Variants in GABRA1 observed in about 807,000 individuals in gnomAD.
The protein encoded by GABRA1 is gamma-aminobutyric acid type A receptor subunit alpha1.
Under a neutral mutation model 48.9 loss-of-function variants are expected in GABRA1, and 9 were observed. That is an observed-to-expected ratio of 0.18 (90% CI 0.11 to 0.32). GABRA1 has a LOEUF of 0.32. Among genes scored for constraint, GABRA1 ranks in the 10% least tolerant of loss-of-function variants. GABRA1 has a pLI of 1.00. For synonymous variants in GABRA1, 210 were observed against 198.7 expected (o/e 1.06, Z -0.48); for missense variants, 285 against 553.8 (o/e 0.51, Z 4.87).
intron 4 of GABRA1, among the ~76,000 whole-genome samples, chr5:161,872,456 C>T (rs1240780689): frequency 6.6e-6 from 1 of 152,180 alleles, no homozygotes; most frequent in Non-Finnish European, 1.5e-5. Flanking sequence ...CACCGACATA[C>T]TCTGCATTCT....
intron 4 of GABRA1, among the ~76,000 whole-genome samples, chr5:161,869,256 A>G (rs540323564): frequency 1.8e-4 from 28 of 152,310 alleles, no homozygotes; most frequent in Admixed American, 1.6e-3. Context: ...ATGCTATTGA[A>G]TGCTTACAAC....
intron 4 of GABRA1, among the ~76,000 whole-genome samples, chr5:161,867,252 A>G (rs1753908274): frequency 6.6e-6 from 1 of 151,748 alleles, no homozygotes. Flanking sequence ...TTCCCACACT[A>G]TTCTCTCATG....
chr5:161,856,344 G>T (rs1236528259), intron 3 of GABRA1, among the ~76,000 whole-genome samples: 2 of 151,330 alleles, frequency 1.3e-5, no homozygotes, highest in Non-Finnish European at 3.0e-5. Flanking sequence ...AACAAAAATA[G>T]ATATGTATTT....
chr5:161,894,221 G>GA (rs1288163639), intron 8 of GABRA1, among the ~76,000 whole-genome samples: 2 of 151,984 alleles, frequency 1.3e-5, no homozygotes, highest in East Asian at 1.9e-4. Context: ...CAACTTACAA[G>GA]AAAAAAATTT....
intron 7 of GABRA1, among the ~76,000 whole-genome samples, chr5:161,886,196 C>T (rs1464975196): frequency 6.6e-6 from 1 of 152,094 alleles, no homozygotes; most frequent in African/African-American, 2.4e-5. Context: ...CTCTCAACTA[C>T]ATGTCATACC....
chr5:161,849,377 A>C (rs1757350330), intron 1 of GABRA1, among the ~76,000 whole-genome samples: 1 of 152,308 alleles, frequency 6.6e-6, no homozygotes, highest in South Asian at 2.1e-4. Flanking sequence ...TTTGCAATTT[A>C]GATGTAGCAT....
At chr5:161,869,873 T>A (rs1754032047) in intron 4 of GABRA1, among the ~76,000 whole-genome samples, 1 of 152,218 alleles carries the variant, frequency 6.6e-6, no homozygotes, top group Non-Finnish European at 1.5e-5. Flanking sequence ...CTGCATTTTG[T>A]TTTTAGTTAA....
At chr5:161,855,485 A>C (rs1232169113) in intron 3 of GABRA1, among the ~76,000 whole-genome samples, 1 of 151,494 alleles carries the variant, frequency 6.6e-6, no homozygotes, top group Non-Finnish European at 1.5e-5. Flanking sequence ...AGGACATACT[A>C]TACAAATTTC....
chr5:161,855,403 A>C (rs2113311943), intron 3 of GABRA1, among the ~76,000 whole-genome samples: 1 of 151,694 alleles, frequency 6.6e-6, no homozygotes, highest in East Asian at 1.9e-4. Flanking sequence ...CTGCCTTGGC[A>C]AAGACACAAC....
chr5:161,861,163 T>C (rs995751584), intron 3 of GABRA1, among the ~76,000 whole-genome samples: 7 of 151,802 alleles, frequency 4.6e-5, no homozygotes, highest in Non-Finnish European at 8.8e-5. Context: ...ACCCTGTGAA[T>C]GTGAAATAGG....
At chr5:161,864,955 T>A (rs1048424443) in intron 3 of GABRA1, among the ~76,000 whole-genome samples, 1 of 152,014 alleles carries the variant, frequency 6.6e-6, no homozygotes, top group Non-Finnish European at 1.5e-5. Context: ...CTCAACAAAT[T>A]GTTCCTTTTC....
At position 161,893,045 on chromosome 5, in the gene GABRA1, T is replaced by TAA. The variant is rs201703824; in HGVS notation, c.856+1996_856+1997dup. The stretch of plus-strand genomic sequence containing the variant: ...ATAATAATAATAATAATAATAATAA[T>TAA]AATAAAATAAACACAGGACATATTT... On this transcript the variant is annotated intron_variant, in intron 8 of 9. Transcript: ENST00000393943. Among the ~76,000 whole-genome samples the TAA allele has an allele frequency of 8.5e-4, 73 of 86,324 alleles. 1 individual carries two copies. Among genetic ancestry groups the TAA allele is most frequent in the Middle Eastern group, 6.9e-3 (1 of 144 alleles). The allele number at this position is 86,324 out of a possible 152,430, so 56.6% of individuals were successfully genotyped here.
At chr5:161,874,212 A>AT (rs1161822581) in intron 5 of GABRA1, among the ~76,000 whole-genome samples, 1 of 152,190 alleles carries the variant, frequency 6.6e-6, no homozygotes, top group Non-Finnish European at 1.5e-5. Flanking sequence ...GTACAGTAAT[A>AT]TTTTGCCTTT....
At chr5:161,872,475 T>C (rs1394378247) in intron 4 of GABRA1, among the ~76,000 whole-genome samples, 2 of 152,100 alleles carry the variant, frequency 1.3e-5, no homozygotes, top group Non-Finnish European at 2.9e-5. Context: ...CTTATTTTTG[T>C]TCTTTTTCTT....
intron 1 of GABRA1, chr5:161,850,517 C>T (rs1757398401): frequency 1.9e-6 from 1 of 521,870 alleles, no homozygotes; most frequent in Non-Finnish European, 3.4e-6. Flanking sequence ...ATAAACAACT[C>T]ACAGTTTTTA....
At chr5:161,856,181 A>G (rs1757637669) in intron 3 of GABRA1, among the ~76,000 whole-genome samples, 1 of 151,374 alleles carries the variant, frequency 6.6e-6, no homozygotes, top group South Asian at 2.1e-4. Flanking sequence ...GAACTTGAAG[A>G]TATAAAGATT....
intron 2 of GABRA1, among the ~76,000 whole-genome samples, chr5:161,851,736 AT>A (rs1198806274): frequency 6.6e-6 from 1 of 152,138 alleles, no homozygotes; most frequent in Admixed American, 6.6e-5. Flanking sequence ...ATTTAGGAAG[AT>A]TTATTTTAAT....
intron 4 of GABRA1, chr5:161,872,309 G>C (rs1179691796): frequency 2.0e-5 from 3 of 152,514 alleles, no homozygotes; most frequent in African/African-American, 7.3e-5. Context: ...ATTAGCAGAT[G>C]TTTGTCTCTG....
At chr5:161,883,614 C>T (rs1332951229) in intron 7 of GABRA1, among the ~76,000 whole-genome samples, 1 of 152,018 alleles carries the variant, frequency 6.6e-6, no homozygotes, top group Non-Finnish European at 1.5e-5. Flanking sequence ...AAAATTATGT[C>T]TTTCAAAATT....
Sources: gnomAD v4.1 joint callset for allele counts (sites outside exome capture counted in the v4.1 genomes callset) on GRCh38, gnomAD v4.1.1 for gene constraint, MANE v1.5 for transcripts, NCBI Gene and HGNC (gene_info 2026-07-23, HGNC 2026-07-21) for gene names.